Variants in SNTG2 observed in about 807,000 individuals in gnomAD.
The protein encoded by SNTG2 is syntrophin gamma 2.
In SNTG2, 74 loss-of-function variants were observed where a neutral mutation model predicts 70.9. The observed-to-expected ratio is 1.04, with a 90% CI of 0.86 to 1.27. SNTG2 has a LOEUF of 1.27. SNTG2 is among the 50% of genes most tolerant of loss of function. The pLI is 0.00. For synonymous variants in SNTG2, 278 were observed against 273.8 expected, an observed-to-expected ratio of 1.02 and a Z score of -0.15; for missense variants, 717 against 690.7, an observed-to-expected ratio of 1.04 and a Z score of -0.43.
intron 1 of SNTG2, among the ~76,000 whole-genome samples, chr2:1,051,254 G>A (rs1382034138): frequency 1.5e-5 from 2 of 136,392 alleles, no homozygotes; most frequent in Non-Finnish European, 3.1e-5. Context: ...GGGAGCTGCA[G>A]TACCATGCCG....
chr2:1,061,957 C>G (rs1662852988), intron 1 of SNTG2, among the ~76,000 whole-genome samples: 1 of 151,878 alleles, frequency 6.6e-6, no homozygotes, highest in Non-Finnish European at 1.5e-5. Flanking sequence ...AAATCTATAA[C>G]AAAGAAATAT....
chr2:1,298,138 G>C (rs1241905021), intron 14 of SNTG2, among the ~76,000 whole-genome samples: 1 of 152,040 alleles, frequency 6.6e-6, no homozygotes, highest in African/African-American at 2.4e-5. Flanking sequence ...TTTATTTTTA[G>C]TTTTATTTTT....
chr2:989,075 T>C (rs1446577860), intron 1 of SNTG2, among the ~76,000 whole-genome samples: 1 of 152,238 alleles, frequency 6.6e-6, no homozygotes, highest in African/African-American at 2.4e-5. Flanking sequence ...TTGTTTACTT[T>C]CTTTATATCT....
At chr2:1,295,053 C>T (rs56308241) in intron 14 of SNTG2, among the ~76,000 whole-genome samples, 4,046 of 152,236 alleles carry the variant, frequency 0.027, 90 homozygotes, top group Non-Finnish European at 0.039. Context: ...CTGCCCTGTG[C>T]GCATGGAGTG....
chr2:1,104,031 C>T (rs562904608), intron 4 of SNTG2, among the ~76,000 whole-genome samples: 1 of 152,176 alleles, frequency 6.6e-6, no homozygotes, highest in Non-Finnish European at 1.5e-5. Flanking sequence ...CCTTTAACTA[C>T]CCTATGAGAT....
intron 4 of SNTG2, among the ~76,000 whole-genome samples, chr2:1,136,140 T>G (rs2148327937): frequency 6.6e-6 from 1 of 152,308 alleles, no homozygotes; most frequent in African/African-American, 2.4e-5. Context: ...CTGTGTGTAC[T>G]TTCTTCTGTT....
intron 14 of SNTG2, among the ~76,000 whole-genome samples, chr2:1,306,546 G>A (rs9752500): frequency 3.3e-5 from 5 of 152,208 alleles, no homozygotes; most frequent in African/African-American, 7.2e-5. Flanking sequence ...CAGCAGGAGC[G>A]GGGGGACAGT....
intron 14 of SNTG2, among the ~76,000 whole-genome samples, chr2:1,281,605 C>G (rs1010607255): frequency 1.3e-5 from 2 of 151,634 alleles, no homozygotes; most frequent in Non-Finnish European, 2.9e-5. Flanking sequence ...TTGCAGGACA[C>G]GTGTCCCGGA....
chr2:1,367,569 A>C lies in SNTG2; in HGVS notation c.*95A>C. The stretch of plus-strand genomic sequence containing the variant: ...TGCAACTTTGTGTTGTTTTATGATG[A>C]GCCTATAGTTGTGATACCAATAAAA... On this transcript the variant is annotated 3_prime_UTR_variant, in exon 17 of 17. Transcript: ENST00000308624. 7.0e-7 allele frequency: 1 copy of C among 1,419,338 alleles called. No homozygotes were observed. Among genetic ancestry groups the C allele is most frequent in the South Asian group, 1.4e-5 (1 of 71,330 alleles). The allele number at this position is 1,419,338 out of a possible 1,614,324, so 87.9% of individuals were successfully genotyped here.
chr2:1,146,002 C>G (rs1453021427), intron 6 of SNTG2, among the ~76,000 whole-genome samples: 2 of 152,010 alleles, frequency 1.3e-5, no homozygotes, highest in Non-Finnish European at 2.9e-5. Flanking sequence ...ACCCAACATC[C>G]ATTTATGATA....
intron 1 of SNTG2, among the ~76,000 whole-genome samples, chr2:1,004,175 C>T (rs868077420): frequency 6.6e-6 from 1 of 152,164 alleles, no homozygotes; most frequent in African/African-American, 2.4e-5. Context: ...CATGACTGTC[C>T]TGTGACAAAA....
chr2:1,137,509 C>A, intron 4 of SNTG2, 113 bp from the exon 5 acceptor site: 2 of 1,094,152 alleles, frequency 1.8e-6, no homozygotes, highest in Non-Finnish European at 2.7e-6. Context: ...CATGCACACA[C>A]ACACACACGT....
chr2:1,326,992 C>T (rs1480353533), intron 16 of SNTG2, among the ~76,000 whole-genome samples: 2 of 151,978 alleles, frequency 1.3e-5, no homozygotes. Context: ...TTCTTGAAAT[C>T]TTCCTTACAA....
chr2:1,256,597 C>T (rs1678134784), intron 12 of SNTG2: 1 of 151,228 alleles, frequency 6.6e-6, no homozygotes, highest in Non-Finnish European at 1.5e-5. Context: ...GAGAAGAGCC[C>T]TAATGGACAT....
intron 1 of SNTG2, among the ~76,000 whole-genome samples, chr2:1,022,748 T>G (rs1377394601): frequency 6.6e-6 from 1 of 152,198 alleles, no homozygotes; most frequent in Non-Finnish European, 1.5e-5. Context: ...TCAAAATGGG[T>G]CAGTGCTAAA....
intron 6 of SNTG2, among the ~76,000 whole-genome samples, chr2:1,149,377 G>A (rs1443583201): frequency 6.6e-6 from 1 of 152,166 alleles, no homozygotes; most frequent in Non-Finnish European, 1.5e-5. Flanking sequence ...GCCAAGGATT[G>A]TGAATAGGAT....
intron 9 of SNTG2, among the ~76,000 whole-genome samples, chr2:1,232,050 C>T (rs1262029345): frequency 6.6e-6 from 1 of 152,164 alleles, no homozygotes; most frequent in African/African-American, 2.4e-5. Context: ...TGCTCCAGTG[C>T]CCCACTCACT....
intron 4 of SNTG2, among the ~76,000 whole-genome samples, chr2:1,112,829 G>A (rs915580222): frequency 6.6e-6 from 1 of 151,250 alleles, no homozygotes; most frequent in African/African-American, 2.4e-5. Flanking sequence ...GAAGGATAGT[G>A]AGTACTAAGT....
intron 1 of SNTG2, among the ~76,000 whole-genome samples, chr2:1,002,454 A>G (rs1158771370): frequency 1.3e-5 from 2 of 152,172 alleles, no homozygotes; most frequent in African/African-American, 2.4e-5. Flanking sequence ...AGACATGAAC[A>G]TATATTTTTC....
Sources: allele counts gnomAD v4.1 joint callset (sites outside exome capture counted in the v4.1 genomes callset), GRCh38; gene constraint gnomAD v4.1.1; transcripts MANE v1.5; gene names NCBI Gene and HGNC (gene_info 2026-07-23, HGNC 2026-07-21).